Variants in KCNK3 observed in about 807,000 individuals in gnomAD.
KCNK3 encodes the protein potassium two pore domain channel subfamily K member 3, also known as potassium channel subfamily K member 3.
Under a neutral mutation model 27.3 loss-of-function variants are expected in KCNK3, and 9 were observed. The ratio of observed to expected loss-of-function variants is 0.33; its 90% CI spans 0.20 to 0.57. The LOEUF is 0.57. KCNK3 is among the 20% of genes least tolerant of loss of function. The probability of loss-of-function intolerance (pLI) is 0.87; values close to 1 mark genes in which losing one functional copy is unlikely to be tolerated. For synonymous variants in KCNK3, 278 were observed against 273.8 expected (o/e 1.02, Z -0.15); for missense variants, 391 against 577.7 (o/e 0.68, Z 3.31).
At chr2:26,697,460 G>A (rs140826216) in intron 1 of KCNK3, among the ~76,000 whole-genome samples, 13 of 152,258 alleles carry the variant, frequency 8.5e-5, no homozygotes, top group South Asian at 4.1e-4. Flanking sequence ...AGCCGAGATC[G>A]CACCATTGCA....
Position 26,692,993 on chromosome 2 carries a change from C to A in KCNK3, c.118C>A (p.Arg40=). ...ESEPELIERQ[R]LELRQQELRA... ...GGAGCCCGAGCTGATCGAGCGGCAG[C>A]GGCTGGAGCTGCGGCAGCAGGAGCT... is the stretch of plus-strand genomic sequence containing the variant. Residue 40 remains arginine, a synonymous_variant, in exon 1 of 2, where the codon CGG becomes AGG. Coordinates refer to ENST00000302909, the MANE Select transcript of KCNK3 (RefSeq NM_002246.3). This position sits in a 1 kb window ranked among gnomAD's most constrained non-coding sequence, Gnocchi z 5.6. The A allele has an allele frequency of 2.5e-6, 4 of 1,575,740 alleles. No homozygotes were observed. The highest frequency in any genetic ancestry group is 3.4e-6 in the Non-Finnish European group (4 of 1,165,924).
chr2:26,711,334 G>A (rs1387573968), intron 1 of KCNK3, among the ~76,000 whole-genome samples: 1 of 152,124 alleles, frequency 6.6e-6, no homozygotes, highest in African/African-American at 2.4e-5. Flanking sequence ...AGACATCAAG[G>A]AACAGCGTGA....
At chr2:26,696,444 G>T (rs1670236308) in intron 1 of KCNK3, among the ~76,000 whole-genome samples, 2 of 152,136 alleles carry the variant, frequency 1.3e-5, no homozygotes, top group Admixed American at 1.3e-4. Context: ...ACCCAGCCAG[G>T]CCTGACACAG....
chr2:26,728,081 C>T lies in KCNK3; in HGVS notation c.698C>T (p.Thr233Met), dbSNP rs866374285. 1 of 1,613,780 alleles carries T rather than the reference C, an allele frequency of 6.2e-7. No homozygotes were observed. Among genetic ancestry groups the T allele is most frequent in the Non-Finnish European group, 8.5e-7 (1 of 1,179,856 alleles). Residue 233 changes from threonine to methionine, a missense_variant, in exon 2 of 2, where the codon ACG becomes ATG. Transcript: ENST00000302909. ...TTCGTCTACATCCTTACGGGCCTCA[C>T]GGTCATCGGCGCCTTCCTCAACCTC... Reference protein sequence around the residue: ...FSFVYILTGLTVIGAFLNLVV... With the variant: ...FSFVYILTGLMVIGAFLNLVV...
chr2:26,709,849 G>A (rs1202672040), intron 1 of KCNK3, among the ~76,000 whole-genome samples: 4 of 152,242 alleles, frequency 2.6e-5, no homozygotes, highest in Admixed American at 1.3e-4. Context: ...GTCCGGGCCT[G>A]TCTGACTCCA....
chr2:26,714,802 C>T (rs1572609868), intron 1 of KCNK3, among the ~76,000 whole-genome samples: 1 of 59,298 alleles, frequency 1.7e-5, no homozygotes, highest in Middle Eastern at 0.012. Flanking sequence ...AGGAGAATCA[C>T]TTGAACCCAG....
At chr2:26,727,561 C>A in intron 1 of KCNK3, 106 bp from the exon 2 acceptor site, 1 of 1,449,342 alleles carries the variant, frequency 6.9e-7, no homozygotes, top group Non-Finnish European at 9.3e-7. Context: ...TGGACCCAGA[C>A]CCACAAGGTG....
intron 1 of KCNK3, among the ~76,000 whole-genome samples, chr2:26,703,384 C>T (rs1670333079): frequency 6.6e-6 from 1 of 152,210 alleles, no homozygotes; most frequent in Non-Finnish European, 1.5e-5. Context: ...CAAGATGACA[C>T]ATCAAAAAGG....
intron 1 of KCNK3, among the ~76,000 whole-genome samples, chr2:26,695,807 C>T (rs1490693394): frequency 1.3e-5 from 2 of 152,164 alleles, no homozygotes; most frequent in African/African-American, 2.4e-5. Flanking sequence ...AGACAGAGTG[C>T]GGTTCTGGTG....
At chr2:26,701,401 G>A (rs1424449788) in intron 1 of KCNK3, among the ~76,000 whole-genome samples, 1 of 152,188 alleles carries the variant, frequency 6.6e-6, no homozygotes, top group East Asian at 1.9e-4. Context: ...TGGAAAGGGA[G>A]GAGAGAAGTG....
At chr2:26,724,577 C>T (rs1300990957) in intron 1 of KCNK3, 1 of 985,006 alleles carries the variant, frequency 1.0e-6, no homozygotes, top group Non-Finnish European at 1.2e-6. Flanking sequence ...ACTTATTATT[C>T]TTAAGCCTCA....
At chr2:26,724,372 G>T (rs1439428996) in intron 1 of KCNK3, 1 of 153,298 alleles carries the variant, frequency 6.5e-6, no homozygotes, top group Non-Finnish European at 1.4e-5. Flanking sequence ...CTCCCGGCCT[G>T]GTCGCCCTTC....
At chr2:26,720,781 G>C (rs1249490992) in intron 1 of KCNK3, among the ~76,000 whole-genome samples, 2 of 152,054 alleles carry the variant, frequency 1.3e-5, no homozygotes, top group African/African-American at 4.8e-5. Flanking sequence ...GAAGGGGCAG[G>C]GCAGAAGAAG....
At chr2:26,698,304 C>T (rs1420910955) in intron 1 of KCNK3, among the ~76,000 whole-genome samples, 2 of 152,188 alleles carry the variant, frequency 1.3e-5, no homozygotes, top group African/African-American at 4.8e-5. Context: ...ACAATTTCTG[C>T]AGGGCAGCGG....
chr2:26,704,288 A>C (rs1160144588), intron 1 of KCNK3, among the ~76,000 whole-genome samples: 1 of 152,104 alleles, frequency 6.6e-6, no homozygotes, highest in Non-Finnish European at 1.5e-5. Flanking sequence ...GCTGAAGATG[A>C]TGCTGCCATC....
At chr2:26,701,971 T>C (rs1670313559) in intron 1 of KCNK3, among the ~76,000 whole-genome samples, 1 of 152,156 alleles carries the variant, frequency 6.6e-6, no homozygotes, top group Non-Finnish European at 1.5e-5. Context: ...AAACTTTTAT[T>C]TTAAGTTCAG....
At chr2:26,725,860 GC>G (rs1236492848) in intron 1 of KCNK3, among the ~76,000 whole-genome samples, 1 of 152,150 alleles carries the variant, frequency 6.6e-6, no homozygotes, top group Non-Finnish European at 1.5e-5. Flanking sequence ...GAACTGAGCT[GC>G]CCTCAAGCCT....
chr2:26,701,325 C>G (rs1286652492), intron 1 of KCNK3, among the ~76,000 whole-genome samples: 1 of 152,142 alleles, frequency 6.6e-6, no homozygotes, highest in Non-Finnish European at 1.5e-5. Context: ...AGCTAGAGAG[C>G]CTGGGTGGAG....
intron 1 of KCNK3, among the ~76,000 whole-genome samples, chr2:26,727,107 C>A: frequency 6.6e-6 from 1 of 152,188 alleles, no homozygotes; most frequent in East Asian, 1.9e-4. Context: ...GGGGAATCCA[C>A]CAAGAAGCCA....
Sources: allele counts gnomAD v4.1 joint callset (sites outside exome capture counted in the v4.1 genomes callset), GRCh38; gene constraint gnomAD v4.1.1; non-coding constraint Gnocchi (gnomAD v3.1); transcripts MANE v1.5; gene names NCBI Gene and HGNC (gene_info 2026-07-23, HGNC 2026-07-21).